Variants in RARB observed in about 807,000 individuals in gnomAD.
RARB encodes the protein HBV-activated protein.
RARB carries 17 observed loss-of-function variants against 51.9 expected under a neutral mutation model. That is an observed-to-expected ratio of 0.33 (90% CI 0.22 to 0.49). The LOEUF is 0.49. Ranked by LOEUF, RARB falls within the 20% of genes least tolerant of loss-of-function variation. The probability of loss-of-function intolerance (pLI) is 0.99; values close to 1 mark genes in which losing one functional copy is unlikely to be tolerated. For missense variants in RARB, 369 were observed against 550.8 expected, an observed-to-expected ratio of 0.67 and a Z score of 3.30; for synonymous variants, 215 against 195.4, an observed-to-expected ratio of 1.10 and a Z score of -0.84.
intron 5 of RARB, among the ~76,000 whole-genome samples, chr3:25,323,966 G>A (rs1222258934): frequency 6.6e-6 from 1 of 152,072 alleles, no homozygotes; most frequent in Admixed American, 6.5e-5. Flanking sequence ...AGAAAGCTCT[G>A]CTAAACTAGA....
intron 2 of RARB, among the ~76,000 whole-genome samples, chr3:24,864,028 C>T (rs1702804239): frequency 6.6e-6 from 1 of 152,142 alleles, no homozygotes; most frequent in Non-Finnish European, 1.5e-5. Context: ...TGTCTCTGCC[C>T]ATGAATGTGA....
rs543028430 is a variant in RARB at position 25,023,799 on chromosome 3, T to C, written c.-379-36326T>C. Among the ~76,000 whole-genome samples, 11 of 152,250 alleles carry C rather than the reference T, an allele frequency of 7.2e-5. No homozygotes were observed. In the East Asian group the frequency reaches 1.9e-3, roughly 27 times the overall value. ...GCGGCTATCTAAACAGTTATTCAAATGACAACATAACAATCTGGAGAAATT... is the reference window on the plus strand; with the variant it reads ...GCGGCTATCTAAACAGTTATTCAAACGACAACATAACAATCTGGAGAAATT... On this transcript the variant is annotated intron_variant, in intron 2 of 11. Coordinates refer to the RARB transcript ENST00000383772.
intron 5 of RARB, among the ~76,000 whole-genome samples, chr3:25,592,427 A>G (rs1290113152): frequency 6.6e-6 from 1 of 152,180 alleles, no homozygotes; most frequent in Non-Finnish European, 1.5e-5. Context: ...CAAGTATGGA[A>G]ACCTGGTCAG....
intron 5 of RARB, among the ~76,000 whole-genome samples, chr3:25,327,273 T>C (rs1704748342): frequency 6.6e-6 from 1 of 152,102 alleles, no homozygotes; most frequent in African/African-American, 2.4e-5. Flanking sequence ...ATACAAAATT[T>C]CAGACTAGAA....
intron 2 of RARB, among the ~76,000 whole-genome samples, chr3:25,042,629 C>G (rs774953274): frequency 1.3e-5 from 2 of 152,148 alleles, no homozygotes; most frequent in Non-Finnish European, 2.9e-5. Flanking sequence ...CTTTGGTGAG[C>G]TCTGGTTTGT....
chr3:25,394,546 G>A (rs558276262), intron 5 of RARB, among the ~76,000 whole-genome samples: 1 of 152,004 alleles, frequency 6.6e-6, no homozygotes, highest in African/African-American at 2.4e-5. Flanking sequence ...CATTTCTTGG[G>A]TCTAGTCTTA....
At chr3:25,171,659 A>AAAAAAAAAAAAAAAAAAAAAAG (rs1413499895) in intron 4 of RARB, among the ~76,000 whole-genome samples, 1 of 147,398 alleles carries the variant, frequency 6.8e-6, no homozygotes, top group Non-Finnish European at 1.5e-5. Flanking sequence ...AAAAAAAAAA[A>AAAAAAAAAAAAAAAAAAAAAAG]AACAGCTTTA....
intron 2 of RARB, among the ~76,000 whole-genome samples, chr3:24,889,336 C>T (rs1263045045): frequency 1.3e-5 from 2 of 152,032 alleles, no homozygotes; most frequent in African/African-American, 4.8e-5. Flanking sequence ...TCTGGGTTTT[C>T]CATTAGTGAG....
intron 3 of RARB, among the ~76,000 whole-genome samples, chr3:25,524,131 T>A (rs1376001704): frequency 6.6e-6 from 1 of 152,184 alleles, no homozygotes; most frequent in Non-Finnish European, 1.5e-5. Flanking sequence ...CCAAGAAGCA[T>A]TTGAAATCAG....
chr3:25,327,693 T>C (rs968465933), intron 5 of RARB, among the ~76,000 whole-genome samples: 2 of 152,150 alleles, frequency 1.3e-5, no homozygotes. Flanking sequence ...GTGACCAACA[T>C]AAATCAGAAA....
chr3:25,271,275 T>G (rs1205183727), intron 5 of RARB, among the ~76,000 whole-genome samples: 1 of 152,244 alleles, frequency 6.6e-6, no homozygotes, highest in Non-Finnish European at 1.5e-5. Context: ...AGGCTTGCAT[T>G]TGCACAGGCA....
chr3:25,526,138 G>GT, intron 3 of RARB, among the ~76,000 whole-genome samples: 1 of 152,344 alleles, frequency 6.6e-6, no homozygotes, highest in East Asian at 1.9e-4. Flanking sequence ...CTGAGCACAA[G>GT]TATGGAGAGA....
chr3:24,996,338 TTCTC>T (rs1158871299), intron 2 of RARB, among the ~76,000 whole-genome samples: 3 of 152,048 alleles, frequency 2.0e-5, no homozygotes, highest in Admixed American at 6.6e-5. Flanking sequence ...TGTTTGGTTC[TTCTC>T]TCTTTTCTTA....
At chr3:25,155,275 C>A (rs1700356098) in intron 4 of RARB, among the ~76,000 whole-genome samples, 1 of 152,144 alleles carries the variant, frequency 6.6e-6, no homozygotes, top group African/African-American at 2.4e-5. Context: ...CCTTTTAGAA[C>A]TAATTCTCTT....
intron 5 of RARB, among the ~76,000 whole-genome samples, chr3:25,314,411 T>C (rs1704367415): frequency 6.6e-6 from 1 of 152,162 alleles, no homozygotes; most frequent in Non-Finnish European, 1.5e-5. Flanking sequence ...TTAGGATCAT[T>C]GTCAATTGTG....
chr3:25,231,687 G>C (rs1702180926), intron 5 of RARB, among the ~76,000 whole-genome samples: 1 of 152,138 alleles, frequency 6.6e-6, no homozygotes, highest in African/African-American at 2.4e-5. Context: ...CGATAAAATT[G>C]AGCATGGTTT....
At chr3:25,148,836 G>T (rs2125340523) in intron 4 of RARB, among the ~76,000 whole-genome samples, 1 of 152,286 alleles carries the variant, frequency 6.6e-6, no homozygotes, top group South Asian at 2.1e-4. Flanking sequence ...GCCACAGCTT[G>T]GATGTCTACC....
intron 5 of RARB, among the ~76,000 whole-genome samples, chr3:25,213,200 C>T (rs1201549612): frequency 1.3e-5 from 2 of 152,138 alleles, no homozygotes; most frequent in Non-Finnish European, 2.9e-5. Context: ...CAGCACCTGA[C>T]GAGCACCTTA....
At chr3:24,909,728 T>C (rs1694948153) in intron 2 of RARB, among the ~76,000 whole-genome samples, 1 of 152,142 alleles carries the variant, frequency 6.6e-6, no homozygotes, top group Non-Finnish European at 1.5e-5. Flanking sequence ...ATTTTTAAGA[T>C]GATTCTTGTT....
Sources: allele counts gnomAD v4.1 joint callset (sites outside exome capture counted in the v4.1 genomes callset), GRCh38; gene constraint gnomAD v4.1.1; transcripts MANE v1.5; gene names NCBI Gene and HGNC (gene_info 2026-07-23, HGNC 2026-07-21).